Variants in PREP observed in about 807,000 individuals in gnomAD.
PREP encodes the protein prolyl endopeptidase, also known as dJ355L5.1 (prolyl endopeptidase).
Under a neutral mutation model 87.6 loss-of-function variants are expected in PREP, and 29 were observed. The ratio of observed to expected loss-of-function variants is 0.33; its 90% CI spans 0.25 to 0.45. PREP has a LOEUF of 0.45. PREP is among the 20% of genes least tolerant of loss of function. The pLI is 1.00. For synonymous variants in PREP, 337 were observed against 328.6 expected (o/e 1.03, Z -0.28); for missense variants, 695 against 886.5 (o/e 0.78, Z 2.74).
intron 7 of PREP, among the ~76,000 whole-genome samples, chr6:105,341,353 C>A (rs1402291591): frequency 1.3e-5 from 2 of 152,144 alleles, no homozygotes; most frequent in African/African-American, 4.8e-5. Flanking sequence ...AACAAAGACA[C>A]AACGTAGCAG....
intron 7 of PREP, among the ~76,000 whole-genome samples, chr6:105,336,528 G>A (rs553752612): frequency 9.2e-4 from 140 of 152,140 alleles, no homozygotes; most frequent in Non-Finnish European, 1.6e-3. Flanking sequence ...CATGATGTTA[G>A]ATATACAAAG....
At chr6:105,332,829 C>G (rs1233040334) in intron 8 of PREP, among the ~76,000 whole-genome samples, 1 of 152,188 alleles carries the variant, frequency 6.6e-6, no homozygotes, top group Non-Finnish European at 1.5e-5. Flanking sequence ...CTGCACAAAG[C>G]AGCAACTGCG....
intron 6 of PREP, among the ~76,000 whole-genome samples, chr6:105,359,025 C>T (rs552436557): frequency 6.6e-6 from 1 of 152,140 alleles, no homozygotes; most frequent in Non-Finnish European, 1.5e-5. Flanking sequence ...CGGTCAACTT[C>T]CTGTCCCCAG....
At chr6:105,366,861 T>C (rs1261983273) in intron 6 of PREP, among the ~76,000 whole-genome samples, 1 of 152,106 alleles carries the variant, frequency 6.6e-6, no homozygotes, top group Non-Finnish European at 1.5e-5. Flanking sequence ...GACATGTGTA[T>C]GAGGTACCCA....
At chr6:105,325,115 T>C (rs750005479) in intron 9 of PREP, among the ~76,000 whole-genome samples, 18 of 152,126 alleles carry the variant, frequency 1.2e-4, no homozygotes, top group Admixed American at 5.2e-4. Flanking sequence ...TAAAAGGCTA[T>C]CTCTTGTGGT....
intron 6 of PREP, among the ~76,000 whole-genome samples, chr6:105,364,319 G>A (rs1262016096): frequency 6.6e-6 from 1 of 152,218 alleles, no homozygotes; most frequent in East Asian, 1.9e-4. Context: ...CAACAGTGGG[G>A]AAACTAAAGC....
intron 7 of PREP, among the ~76,000 whole-genome samples, chr6:105,344,919 C>T (rs1771758295): frequency 6.6e-6 from 1 of 152,190 alleles, no homozygotes. Context: ...AATTCTGAAG[C>T]ATTAACCTTA....
intron 7 of PREP, among the ~76,000 whole-genome samples, chr6:105,345,863 T>G (rs1368271069): frequency 1.3e-5 from 2 of 152,212 alleles, no homozygotes. Flanking sequence ...ATGAGAGGCC[T>G]ACATTTGTAG....
chr6:105,397,986 AT>A, intron 1 of PREP, 59 bp from the exon 2 acceptor site: 2 of 1,290,620 alleles, frequency 1.5e-6, no homozygotes, highest in Non-Finnish European at 2.2e-6. Flanking sequence ...TAAAACTGGT[AT>A]TTTTTTAATG....
chr6:105,309,209 T>C (rs922662768), intron 10 of PREP, among the ~76,000 whole-genome samples: 14 of 152,062 alleles, frequency 9.2e-5, no homozygotes, highest in African/African-American at 3.4e-4. Context: ...GGCTAGGCTA[T>C]TTATTAAGTA....
intron 7 of PREP, among the ~76,000 whole-genome samples, chr6:105,351,732 C>G (rs1245295364): frequency 6.6e-6 from 1 of 152,198 alleles, no homozygotes; most frequent in African/African-American, 2.4e-5. Context: ...AAGGTTTGCT[C>G]AGTTCTATGA....
intron 11 of PREP, among the ~76,000 whole-genome samples, chr6:105,288,068 C>G (rs1184181974): frequency 6.6e-6 from 1 of 152,144 alleles, no homozygotes; most frequent in African/African-American, 2.4e-5. Context: ...AAAATATCAT[C>G]AGCTAAGAAA....
intron 9 of PREP, among the ~76,000 whole-genome samples, chr6:105,326,020 CAAG>C (rs1396373687): frequency 6.6e-6 from 1 of 152,118 alleles, no homozygotes; most frequent in Non-Finnish European, 1.5e-5. Flanking sequence ...CCTACCAAAA[CAAG>C]AATCAGGGGA....
At chr6:105,385,102 C>T (rs1026127039) in intron 2 of PREP, among the ~76,000 whole-genome samples, 2 of 151,956 alleles carry the variant, frequency 1.3e-5, no homozygotes, top group African/African-American at 4.8e-5. Context: ...GGAGAGCTGA[C>T]CAGAAGCTTG....
intron 9 of PREP, among the ~76,000 whole-genome samples, chr6:105,328,320 C>T (rs11968488): frequency 0.14 from 21,051 of 151,336 alleles, 2,590 homozygotes; most frequent in African/African-American, 0.33. Flanking sequence ...TGCAGTGGCG[C>T]GATCTCGGCT....
chr6:105,373,841 C>A (rs1033881826), intron 4 of PREP, among the ~76,000 whole-genome samples: 64 of 152,268 alleles, frequency 4.2e-4, no homozygotes, highest in South Asian at 1.5e-3. Context: ...TACTAAAATG[C>A]TTTCATTTTG....
chr6:105,277,191 A>ATGAC lies in PREP; in HGVS notation c.*949_*952dup, dbSNP rs58598325. Among the ~76,000 whole-genome samples, 8 of 149,074 alleles carry ATGAC rather than the reference A, an allele frequency of 5.4e-5. No individual in the cohort carries two copies. The highest frequency in any genetic ancestry group is 1.0e-4 in the Non-Finnish European group (7 of 67,574). ...TTTTTTTTTTTTCCAGTAAGTAAGTATGACTATTTCTATTTCCAGGAGTGA... is the reference window on the plus strand; with the variant it reads ...TTTTTTTTTTTTCCAGTAAGTAAGTATGACTGACTATTTCTATTTCCAGGAGTGA... On this transcript the variant is annotated 3_prime_UTR_variant, in exon 15 of 15. Coordinates refer to ENST00000652536, the MANE Select transcript of PREP (RefSeq NM_002726.5).
At chr6:105,318,779 G>A (rs575511685) in intron 10 of PREP, among the ~76,000 whole-genome samples, 1 of 152,178 alleles carries the variant, frequency 6.6e-6, no homozygotes, top group African/African-American at 2.4e-5. Context: ...TCACTAAAAC[G>A]TTCTGAAAAT....
At chr6:105,340,160 C>T (rs1771600877) in intron 7 of PREP, among the ~76,000 whole-genome samples, 1 of 152,118 alleles carries the variant, frequency 6.6e-6, no homozygotes, top group Non-Finnish European at 1.5e-5. Flanking sequence ...GGGTAACCCA[C>T]AAAGGGAAGC....
Sources: allele counts gnomAD v4.1 joint callset (sites outside exome capture counted in the v4.1 genomes callset), GRCh38; gene constraint gnomAD v4.1.1; transcripts MANE v1.5; gene names NCBI Gene and HGNC (gene_info 2026-07-23, HGNC 2026-07-21).